HDAC9: variants seen among roughly 807,000 people sequenced by gnomAD.
HDAC9 encodes histone deacetylase 9, also known as MEF-2 interacting transcription repressor (MITR) protein.
Under a neutral mutation model 139.4 loss-of-function variants are expected in HDAC9, and 41 were observed. The observed-to-expected ratio is 0.29, with a 90% CI of 0.23 to 0.38. The LOEUF (loss-of-function observed/expected upper bound fraction) is 0.38. Ranked by LOEUF, HDAC9 falls within the 10% of genes least tolerant of loss-of-function variation. The pLI is 1.00. For missense variants in HDAC9, 1,147 were observed against 1,297.0 expected (o/e 0.88, Z 1.78); for synonymous variants, 517 against 476.2 (o/e 1.09, Z -1.12).
intron 2 of HDAC9, among the ~76,000 whole-genome samples, chr7:18,518,549 T>G (rs1019004678): frequency 1.3e-4 from 20 of 152,124 alleles, no homozygotes; most frequent in African/African-American, 1.9e-4. Flanking sequence ...GTTTACTAGA[T>G]TTAGACTACC....
chr7:18,852,488 G>A (rs1027519274), intron 21 of HDAC9, among the ~76,000 whole-genome samples: 2 of 152,154 alleles, frequency 1.3e-5, no homozygotes, highest in Admixed American at 6.6e-5. Flanking sequence ...CTCTTTCAAA[G>A]AAATAATACA....
At chr7:18,383,879 A>T (rs1785666628) in intron 1 of HDAC9, among the ~76,000 whole-genome samples, 1 of 148,992 alleles carries the variant, frequency 6.7e-6, no homozygotes, top group South Asian at 2.1e-4. Flanking sequence ...ACAGAGCGAG[A>T]CTCTGACTCC....
chr7:18,855,190 T>A (rs770056749), intron 21 of HDAC9, among the ~76,000 whole-genome samples: 10 of 152,120 alleles, frequency 6.6e-5, no homozygotes, highest in African/African-American at 2.4e-4. Context: ...AGGCTGGTTT[T>A]AAGACTTCCA....
intron 1 of HDAC9, among the ~76,000 whole-genome samples, chr7:18,098,171 C>A (rs1202559956): frequency 6.6e-6 from 1 of 152,174 alleles, no homozygotes; most frequent in Non-Finnish European, 1.5e-5. Context: ...TCCGTGAAAT[C>A]GATACTACAG....
At chr7:18,639,586 G>A (rs751472627) in intron 8 of HDAC9, among the ~76,000 whole-genome samples, 4 of 151,816 alleles carry the variant, frequency 2.6e-5, no homozygotes, top group African/African-American at 4.8e-5. Context: ...TTTTAATTAC[G>A]TGGAGATTTT....
chr7:18,472,676 A>G (rs986525590), intron 1 of HDAC9, among the ~76,000 whole-genome samples: 3 of 152,164 alleles, frequency 2.0e-5, no homozygotes, highest in Non-Finnish European at 4.4e-5. Context: ...AGTGTCTCCA[A>G]CTTAGCAAGA....
intron 12 of HDAC9, chr7:18,668,931 A>G (rs1415792907): frequency 1.0e-6 from 1 of 967,546 alleles, no homozygotes; most frequent in East Asian, 1.2e-4. Flanking sequence ...ATCAAAATAC[A>G]TTGCCAGTCT....
At chr7:18,783,610 A>C (rs1437407116) in intron 16 of HDAC9, among the ~76,000 whole-genome samples, 1 of 151,412 alleles carries the variant, frequency 6.6e-6, no homozygotes, top group Non-Finnish European at 1.5e-5. Flanking sequence ...TCCTTGAATT[A>C]AGCTTTGATG....
intron 2 of HDAC9, among the ~76,000 whole-genome samples, chr7:18,555,321 G>T (rs1305989951): frequency 6.6e-6 from 1 of 152,154 alleles, no homozygotes; most frequent in Non-Finnish European, 1.5e-5. Context: ...TCAAAAGTCT[G>T]CATTTCAAAA....
intron 1 of HDAC9, among the ~76,000 whole-genome samples, chr7:18,136,784 C>A (rs1167300857): frequency 6.6e-6 from 1 of 151,100 alleles, no homozygotes; most frequent in Non-Finnish European, 1.5e-5. Context: ...CTTGGCGATG[C>A]GGGCTCTTTT....
intron 1 of HDAC9, among the ~76,000 whole-genome samples, chr7:18,131,477 A>T (rs1785001819): frequency 3.3e-5 from 5 of 152,212 alleles, no homozygotes; most frequent in Admixed American, 2.6e-4. Context: ...ACTACCAAAG[A>T]AAAGGAATTA....
intron 7 of HDAC9, 48 bp downstream of exon 7, chr7:18,629,529 A>T (rs776987156): frequency 6.5e-7 from 1 of 1,542,846 alleles, no homozygotes; most frequent in African/African-American, 1.4e-5. Context: ...TAGGAATGAA[A>T]AAAAAATAGT....
At chr7:18,690,053 G>A (rs1782562780) in intron 12 of HDAC9, among the ~76,000 whole-genome samples, 1 of 151,948 alleles carries the variant, frequency 6.6e-6, no homozygotes, top group Non-Finnish European at 1.5e-5. Context: ...AACAGAGGCG[G>A]TGACTGTAGA....
intron 1 of HDAC9, among the ~76,000 whole-genome samples, chr7:18,415,170 C>G (rs1788933478): frequency 6.6e-6 from 1 of 152,164 alleles, no homozygotes; most frequent in Non-Finnish European, 1.5e-5. Flanking sequence ...GTACACTGCT[C>G]TTTCTAATGG....
At chr7:18,893,048 A>AAG (rs1554395088) in intron 22 of HDAC9, among the ~76,000 whole-genome samples, 1 of 145,290 alleles carries the variant, frequency 6.9e-6, no homozygotes, top group African/African-American at 2.7e-5. Context: ...AAAAAAAAAA[A>AAG]AAAAAAGAAA....
intron 2 of HDAC9, among the ~76,000 whole-genome samples, chr7:18,219,802 A>G (rs1215692340): frequency 6.6e-6 from 1 of 152,220 alleles, no homozygotes; most frequent in Non-Finnish European, 1.5e-5. Context: ...TTGGTTTTAA[A>G]TTTGAAAGTT....
rs548478137 is a variant in HDAC9, at chr7:18,452,315, A to T, written c.-41-43947A>T. Among the ~76,000 whole-genome samples the T allele has an allele frequency of 3.3e-5, 5 of 152,260 alleles. No homozygotes were observed. The East Asian group carries it at 5.8e-4, about 18-fold the overall frequency. ...AGTGGCAGCAGGAACATTGTCCAGGATACGTCAGTAAGAACACATACGCGT... is the reference window on the plus strand; with the variant it reads ...AGTGGCAGCAGGAACATTGTCCAGGTTACGTCAGTAAGAACACATACGCGT... On this transcript the variant is annotated intron_variant, in intron 1 of 3. Transcript: ENST00000413509.
At chr7:18,763,310 G>A (rs1044882437) in intron 15 of HDAC9, among the ~76,000 whole-genome samples, 1 of 152,162 alleles carries the variant, frequency 6.6e-6, no homozygotes, top group South Asian at 2.1e-4. Context: ...CAAGTGGCAA[G>A]CATCTCTTAA....
At chr7:18,608,400 T>C (rs1836136607) in intron 6 of HDAC9, among the ~76,000 whole-genome samples, 1 of 152,166 alleles carries the variant, frequency 6.6e-6, no homozygotes, top group African/African-American at 2.4e-5. Context: ...TTTTGCTTTA[T>C]GTGTATCAGC....
Sources: gnomAD v4.1 joint callset for allele counts (sites outside exome capture counted in the v4.1 genomes callset) on GRCh38, gnomAD v4.1.1 for gene constraint, MANE v1.5 for transcripts, NCBI Gene and HGNC (gene_info 2026-07-23, HGNC 2026-07-21) for gene names.